Variants in CBLB observed in about 807,000 individuals in gnomAD.
CBLB encodes the protein E3 ubiquitin-protein ligase CBL-B.
In CBLB, 31 loss-of-function variants were observed where a neutral mutation model predicts 104.9. The observed-to-expected ratio is 0.30, with a 90% CI of 0.22 to 0.40. The LOEUF is 0.40. Among genes scored for constraint, CBLB ranks in the 10% least tolerant of loss-of-function variants. CBLB has a pLI of 1.00. For synonymous variants in CBLB, 440 were observed against 422.6 expected, an observed-to-expected ratio of 1.04 and a Z score of -0.51; for missense variants, 1,062 against 1,214.6, an observed-to-expected ratio of 0.87 and a Z score of 1.87.
At chr3:105,715,493 A>G (rs1456599421) in intron 10 of CBLB, among the ~76,000 whole-genome samples, 1 of 152,184 alleles carries the variant, frequency 6.6e-6, no homozygotes, top group African/African-American at 2.4e-5. Context: ...CAGCTGTGGG[A>G]TATCACCATG....
chr3:105,803,288 G>A (rs910556169), intron 3 of CBLB, among the ~76,000 whole-genome samples: 1 of 152,156 alleles, frequency 6.6e-6, no homozygotes, highest in Admixed American at 6.5e-5. Flanking sequence ...TTAGAAGAGA[G>A]GCTGTGAATT....
chr3:105,817,430 G>T (rs1371877144), intron 3 of CBLB, among the ~76,000 whole-genome samples: 1 of 152,198 alleles, frequency 6.6e-6, no homozygotes, highest in East Asian at 1.9e-4. Flanking sequence ...TGGGTGACTT[G>T]AAGCTTGAGG....
At chr3:105,686,277 C>G (rs1050495664) in intron 13 of CBLB, among the ~76,000 whole-genome samples, 32 of 152,148 alleles carry the variant, frequency 2.1e-4, no homozygotes, top group African/African-American at 7.7e-4. Flanking sequence ...AGAGTTTAAT[C>G]TAACCCTGGC....
chr3:105,765,213 G>C (rs1237234847), intron 4 of CBLB, among the ~76,000 whole-genome samples: 1 of 152,156 alleles, frequency 6.6e-6, no homozygotes, highest in Admixed American at 6.5e-5. Context: ...GCTAGGGCTA[G>C]GGAGAAGTCA....
intron 12 of CBLB, among the ~76,000 whole-genome samples, chr3:105,698,922 G>C (rs2068741171): frequency 6.6e-6 from 1 of 151,930 alleles, no homozygotes; most frequent in Non-Finnish European, 1.5e-5. Flanking sequence ...TTTTAAATAA[G>C]AAAACTATGC....
intron 3 of CBLB, among the ~76,000 whole-genome samples, chr3:105,824,723 G>A (rs1162116304): frequency 6.6e-6 from 1 of 152,006 alleles, no homozygotes; most frequent in Non-Finnish European, 1.5e-5. Flanking sequence ...TTTGGAGAGG[G>A]AAGCTAACAG....
chr3:105,674,599 T>C (rs2065403855), intron 17 of CBLB, among the ~76,000 whole-genome samples: 2 of 152,260 alleles, frequency 1.3e-5, no homozygotes, highest in South Asian at 2.1e-4. Context: ...ATACAGTCTT[T>C]GCTTTGTTTC....
chr3:105,864,507 C>G (rs892325648), intron 2 of CBLB, among the ~76,000 whole-genome samples: 3 of 152,138 alleles, frequency 2.0e-5, no homozygotes, highest in African/African-American at 7.2e-5. Context: ...GCTTCTGGGT[C>G]GGCTATCAAA....
At position 105,751,590 on chromosome 3, in the gene CBLB, G is replaced by A. The variant is rs769311513; in HGVS notation, c.595C>T (p.Gln199Ter). ...KTIVPWKVFRQCLHEVHQISS... is the reference protein window; with the variant it reads ...KTIVPWKVFR ...ATCTGGTGGACCTCATGAAGGCACTGTCTGAATACTTTCCATGGTACGATA... is the reference window on the plus strand; with the variant it reads ...ATCTGGTGGACCTCATGAAGGCACTATCTGAATACTTTCCATGGTACGATA... The change falls in exon 5 of 19, where the codon CAG becomes TAG. Residue 199 changes from glutamine (Q) to a stop codon, truncating the protein, a stop_gained. Transcript: ENST00000394030. LOFTEE classifies it high-confidence loss of function. 5.6e-6 allele frequency: 9 copies of A among 1,613,136 alleles called. No individual in the cohort carries two copies. Among genetic ancestry groups the A allele is most frequent in the Non-Finnish European group, 7.6e-6 (9 of 1,179,310 alleles).
intron 3 of CBLB, among the ~76,000 whole-genome samples, chr3:105,786,477 T>G (rs1486889228): frequency 1.3e-5 from 2 of 152,174 alleles, no homozygotes; most frequent in African/African-American, 4.8e-5. Context: ...AAGGCATCTC[T>G]GGGGCACTCA....
intron 1 of CBLB, 64 bp from the exon 2 acceptor site, chr3:105,867,655 A>G: frequency 7.1e-7 from 1 of 1,409,452 alleles, no homozygotes; most frequent in Non-Finnish European, 1.0e-6. Context: ...CCCACCAGAA[A>G]ACTAGAGACT....
At chr3:105,687,607 GA>G (rs1223502224) in intron 13 of CBLB, among the ~76,000 whole-genome samples, 1 of 151,696 alleles carries the variant, frequency 6.6e-6, no homozygotes, top group Admixed American at 6.6e-5. Context: ...ATCTAAATAT[GA>G]AAAAAATACT....
At chr3:105,673,091 G>C (rs546073581) in intron 17 of CBLB, 20 of 142,290 alleles carry the variant, frequency 1.4e-4, no homozygotes, top group Non-Finnish European at 2.9e-4. Flanking sequence ...TTTTTTGAGA[G>C]AGCGTCTTGT....
chr3:105,704,144 T>C lies in CBLB; in HGVS notation c.1437A>G (p.Thr479=), dbSNP rs2069693480. 3 of 1,614,004 alleles carry C rather than the reference T, an allele frequency of 1.9e-6. No homozygotes were observed. Among genetic ancestry groups the C allele is most frequent in the Non-Finnish European group, 1.7e-6 (2 of 1,180,016 alleles). The change falls in exon 11 of 19, where the codon ACA becomes ACG. Residue 479 remains threonine (T), a synonymous_variant. Transcript: ENST00000394030. ...GGGCAAGGGGAGAGGATCCTGGTGA[T>C]GTGACTGGTGAGTTCTGCCTGTCAG... ...KCTDRQNSPV[T]SPGSSPLAQR...
intron 3 of CBLB, among the ~76,000 whole-genome samples, chr3:105,791,216 T>C (rs1243760311): frequency 6.6e-6 from 1 of 152,166 alleles, no homozygotes; most frequent in East Asian, 1.9e-4. Flanking sequence ...AAAACAATAG[T>C]GCACAGAGAA....
intron 2 of CBLB, among the ~76,000 whole-genome samples, chr3:105,859,277 C>T (rs1369908057): frequency 2.6e-5 from 4 of 152,198 alleles, no homozygotes; most frequent in Admixed American, 2.6e-4. Context: ...TTATAAAACA[C>T]GCCTCACTTC....
chr3:105,790,860 G>A (rs1022529589), intron 3 of CBLB, among the ~76,000 whole-genome samples: 2 of 152,166 alleles, frequency 1.3e-5, no homozygotes, highest in Admixed American at 6.5e-5. Flanking sequence ...AGGGGAGCAA[G>A]AACACATCAT....
intron 3 of CBLB, among the ~76,000 whole-genome samples, chr3:105,799,372 A>AT (rs1348360451): frequency 1.3e-5 from 2 of 152,312 alleles, no homozygotes; most frequent in East Asian, 3.9e-4. Flanking sequence ...CTATCTTTAC[A>AT]TTTTTATTAA....
At chr3:105,678,638 A>C in intron 16 of CBLB, 67 bp from the exon 17 acceptor site, 1 of 1,482,410 alleles carries the variant, frequency 6.7e-7, no homozygotes, top group Non-Finnish European at 9.3e-7. Context: ...GCATCTAACA[A>C]AAGTAATAAT....
Sources: allele counts gnomAD v4.1 joint callset (sites outside exome capture counted in the v4.1 genomes callset), GRCh38; gene constraint gnomAD v4.1.1; transcripts MANE v1.5; gene names NCBI Gene and HGNC (gene_info 2026-07-23, HGNC 2026-07-21).